SMG7: variants seen among roughly 807,000 people sequenced by gnomAD.
SMG7 encodes the protein SMG7 nonsense mediated mRNA decay factor, also known as nonsense-mediated mRNA decay factor SMG7.
In SMG7, 34 loss-of-function variants were observed where a neutral mutation model predicts 148.2. The ratio of observed to expected loss-of-function variants is 0.23; its 90% CI spans 0.17 to 0.31. SMG7 has a LOEUF of 0.31. Among genes scored for constraint, SMG7 ranks in the 10% least tolerant of loss-of-function variants. The probability of loss-of-function intolerance (pLI) is 1.00; values close to 1 mark genes in which losing one functional copy is unlikely to be tolerated. For missense variants in SMG7, 1,114 were observed against 1,408.4 expected (o/e 0.79, Z 3.35); for synonymous variants, 492 against 515.1 (o/e 0.96, Z 0.61).
intron 16 of SMG7, among the ~76,000 whole-genome samples, chr1:183,545,561 G>T (rs1669778291): frequency 6.6e-6 from 1 of 151,984 alleles, no homozygotes; most frequent in South Asian, 2.1e-4. Context: ...TATTGAAAAT[G>T]GATTTTCTGC....
intron 1 of SMG7, among the ~76,000 whole-genome samples, chr1:183,512,297 C>G (rs1662321831): frequency 6.6e-6 from 1 of 152,056 alleles, no homozygotes; most frequent in Non-Finnish European, 1.5e-5. Flanking sequence ...TGCAATACCT[C>G]TAGTGTTTTA....
intron 1 of SMG7, among the ~76,000 whole-genome samples, chr1:183,474,311 C>G (rs958861018): frequency 2.6e-5 from 4 of 152,214 alleles, no homozygotes; most frequent in African/African-American, 7.2e-5. Flanking sequence ...GCCTGTAATC[C>G]CAGCACTTTG....
At chr1:183,550,001 A>G (rs1670690926) in intron 20 of SMG7, 78 bp downstream of exon 20, 1 of 886,536 alleles carries the variant, frequency 1.1e-6, no homozygotes, top group Middle Eastern at 2.4e-4. Flanking sequence ...AGATTCTGTA[A>G]TTACAAATAT....
intron 1 of SMG7, chr1:183,473,934 A>T (rs981557151): frequency 2.1e-6 from 2 of 949,676 alleles, no homozygotes; most frequent in Non-Finnish European, 2.5e-6. Flanking sequence ...TGGCCATTAT[A>T]ATTTTTAAAG....
Position 183,498,918 on chromosome 1 carries a change from C to T in SMG7, c.30-13919C>T, listed in dbSNP as rs201835387. Among the ~76,000 whole-genome samples the T allele has an allele frequency of 3.3e-5, 5 of 152,370 alleles. No homozygotes were observed. In the East Asian group the frequency reaches 9.6e-4, roughly 29 times the overall value. On this transcript the variant is annotated intron_variant, in intron 1 of 22. Coordinates refer to ENST00000688051, the MANE Select transcript of SMG7 (RefSeq NM_001375584.1). ...TTTGCTCCACCTGTTCATTCCCCCT[C>T]TCTTCCCCTCCAACTCCTGGCAACC...
At chr1:183,514,742 C>G (rs1663074423) in intron 2 of SMG7, among the ~76,000 whole-genome samples, 1 of 152,106 alleles carries the variant, frequency 6.6e-6, no homozygotes, top group South Asian at 2.1e-4. Flanking sequence ...CTTTTTCTTG[C>G]CATAAGTGAA....
intron 17 of SMG7, 112 bp downstream of exon 17, chr1:183,546,449 T>G (rs1016261750): frequency 2.1e-5 from 23 of 1,099,700 alleles, no homozygotes; most frequent in Non-Finnish European, 2.7e-5. Context: ...GTTAGTACTA[T>G]AGAATGCCAC....
chr1:183,551,750 G>A (rs948621062), intron 22 of SMG7, 68 bp from the exon 23 acceptor site: 34 of 1,254,124 alleles, frequency 2.7e-5, no homozygotes, highest in Non-Finnish European at 3.7e-5. Flanking sequence ...ATTTGGCTGG[G>A]ATTGAAAAAT....
In SMG7 at chr1:183,550,824, C is replaced by T. The variant is rs778469689; in HGVS notation, c.3207C>T (p.His1069=). The change falls in exon 21 of 23, where the codon CAC becomes CAT. Residue 1069 remains histidine, a synonymous_variant. Transcript: ENST00000688051. ...GCCTACCCAGCTCTCCTCCAACACA[C>T]AACCATAATTCTGTTCCATTCTCCA... ...PSSLPSSPPT[H]NHNSVPFSNF... The T allele has an allele frequency of 9.0e-5, 145 of 1,614,046 alleles. No individual in the cohort carries two copies. Among genetic ancestry groups the T allele is most frequent in the Non-Finnish European group, 1.2e-4 (137 of 1,180,008 alleles).
chr1:183,533,391 G>A (rs767205048), intron 9 of SMG7, 65 bp downstream of exon 9: 63 of 1,491,022 alleles, frequency 4.2e-5, no homozygotes, highest in Non-Finnish European at 5.5e-5. Flanking sequence ...GCATTTCATC[G>A]ATGTAGCAAA....
chr1:183,490,089 C>T (rs944656653), intron 1 of SMG7, among the ~76,000 whole-genome samples: 1 of 152,258 alleles, frequency 6.6e-6, no homozygotes, highest in South Asian at 2.1e-4. Flanking sequence ...GTATTGAGTA[C>T]TGAGAGTTTG....
chr1:183,472,920 C>T, intron 1 of SMG7: 2 of 393,542 alleles, frequency 5.1e-6, no homozygotes, highest in Non-Finnish European at 4.5e-6. Context: ...GCGCGCGCGC[C>T]CTTGGTCTCG....
At chr1:183,533,940 G>A (rs1667290811) in intron 10 of SMG7, 108 bp downstream of exon 10, 1 of 881,868 alleles carries the variant, frequency 1.1e-6, no homozygotes, top group Admixed American at 2.6e-5. Context: ...ATAGAATACT[G>A]TATTTTCTGC....
intron 4 of SMG7, among the ~76,000 whole-genome samples, chr1:183,523,713 A>G (rs534270351): frequency 6.6e-6 from 1 of 152,328 alleles, no homozygotes; most frequent in South Asian, 2.1e-4. Flanking sequence ...TCTGTCTGAT[A>G]TCACCACTTA....
rs141796359 is a variant in SMG7 at position 183,489,665 on chromosome 1, G to A, written c.29+17016G>A. The stretch of plus-strand genomic sequence containing the variant: ...CCTTTGTATTGTCTTCAATAATGGT[G>A]AGACTTGAATCTACAAGCTGGGAAG... On this transcript the variant is annotated intron_variant, in intron 1 of 22. Transcript: ENST00000688051. 4.5e-3 allele frequency among the ~76,000 whole-genome samples: 684 copies of A among 152,290 alleles called. 3 individuals are homozygous for A. The highest frequency in any genetic ancestry group is 0.016 in the African/African-American group (658 of 41,536).
At position 183,528,885 on chromosome 1, in the gene SMG7, C is replaced by T. The variant is rs757206016; in HGVS notation, c.557-7C>T. 6.2e-7 allele frequency: 1 copy of T among 1,608,320 alleles called. No homozygotes were observed. The highest frequency in any genetic ancestry group is 8.5e-7 in the Non-Finnish European group (1 of 1,177,326). On this transcript the variant is annotated splice_polypyrimidine_tract_variant and splice_region_variant and intron_variant, in intron 6 of 22. Coordinates refer to ENST00000688051, the MANE Select transcript of SMG7 (RefSeq NM_001375584.1). ...GGTTACTCCAGAATCTTAACTTTCT[C>T]CTGTAGGTCAGCCTTATAATCAGTT...
intron 1 of SMG7, among the ~76,000 whole-genome samples, chr1:183,494,291 T>A (rs560682998): frequency 4.1e-4 from 62 of 151,716 alleles, no homozygotes; most frequent in Non-Finnish European, 8.1e-4. Flanking sequence ...TTCCTTTCCT[T>A]TTGTTTGTAC....
chr1:183,550,030 T>C, intron 20 of SMG7, 107 bp downstream of exon 20: 2 of 789,912 alleles, frequency 2.5e-6, no homozygotes, highest in East Asian at 5.5e-5. Context: ...TTGGGTTATT[T>C]TTATTTTTTG....
chr1:183,518,138 G>T (rs1484970089), intron 4 of SMG7, among the ~76,000 whole-genome samples: 1 of 152,010 alleles, frequency 6.6e-6, no homozygotes, highest in Non-Finnish European at 1.5e-5. Context: ...TGTAGAGATG[G>T]AGTCTCGCTA....
Sources: allele counts gnomAD v4.1 joint callset (sites outside exome capture counted in the v4.1 genomes callset), GRCh38; gene constraint gnomAD v4.1.1; transcripts MANE v1.5; gene names NCBI Gene and HGNC (gene_info 2026-07-23, HGNC 2026-07-21).